PAX2: variants seen among roughly 807,000 people sequenced by gnomAD.
PAX2 encodes the protein paired box protein Pax-2.
In PAX2, 9 loss-of-function variants were observed where a neutral mutation model predicts 41.7. The observed-to-expected ratio is 0.22, with a 90% CI of 0.13 to 0.38. PAX2 has a LOEUF of 0.38. Among genes scored for constraint, PAX2 ranks in the 10% least tolerant of loss-of-function variants. The pLI, the probability that PAX2 is intolerant of heterozygous loss-of-function variation, is 1.00. For missense variants in PAX2, 418 were observed against 531.6 expected, an observed-to-expected ratio of 0.79 and a Z score of 2.10; for synonymous variants, 221 against 212.7, an observed-to-expected ratio of 1.04 and a Z score of -0.34.
chr10:100,769,829 T>C (rs1183627448), intron 3 of PAX2, among the ~76,000 whole-genome samples: 4 of 152,136 alleles, frequency 2.6e-5, no homozygotes, highest in Non-Finnish European at 5.9e-5. Context: ...AGCAGACATC[T>C]GCCTTCTCAG....
At chr10:100,798,545 C>T (rs998772241) in intron 5 of PAX2, among the ~76,000 whole-genome samples, 3 of 152,132 alleles carry the variant, frequency 2.0e-5, no homozygotes, top group Non-Finnish European at 4.4e-5. Flanking sequence ...GTCACCATAG[C>T]TCCTTTCCCA....
At chr10:100,772,554 G>A (rs1846253659) in intron 3 of PAX2, among the ~76,000 whole-genome samples, 1 of 152,218 alleles carries the variant, frequency 6.6e-6, no homozygotes, top group African/African-American at 2.4e-5. Context: ...GGCTTAGTGG[G>A]CAATGGGGCC....
intron 5 of PAX2, among the ~76,000 whole-genome samples, chr10:100,797,516 G>C (rs1847381358): frequency 6.6e-6 from 1 of 152,222 alleles, no homozygotes; most frequent in Non-Finnish European, 1.5e-5. Context: ...ATATATGTAA[G>C]ATTATCAGAG....
At chr10:100,806,914 C>G (rs1353081094) in intron 6 of PAX2, among the ~76,000 whole-genome samples, 1 of 152,140 alleles carries the variant, frequency 6.6e-6, no homozygotes, top group Non-Finnish European at 1.5e-5. Context: ...TAGGGTTTGT[C>G]AAGTCCCTTC....
intron 1 of PAX2, chr10:100,749,088 G>C: frequency 1.0e-6 from 1 of 985,426 alleles, no homozygotes; most frequent in South Asian, 4.7e-5. Flanking sequence ...AGAGAGATAC[G>C]GTCCCCCTAC....
intron 3 of PAX2, among the ~76,000 whole-genome samples, chr10:100,761,406 G>A (rs1845841072): frequency 6.6e-6 from 1 of 152,102 alleles, no homozygotes; most frequent in African/African-American, 2.4e-5. Flanking sequence ...CTGTGGATCA[G>A]GTCACTCCTG....
chr10:100,735,776 G>A, intron 1 of PAX2: 1 of 1,023,824 alleles, frequency 9.8e-7, no homozygotes, highest in African/African-American at 1.7e-5. Context: ...GCGAGGACTA[G>A]GGGAGAGGGA....
At chr10:100,768,534 G>A (rs986864713) in intron 3 of PAX2, among the ~76,000 whole-genome samples, 3 of 152,216 alleles carry the variant, frequency 2.0e-5, no homozygotes, top group African/African-American at 7.2e-5. Flanking sequence ...GAGAGGATAA[G>A]CGTGTTTAAA....
chr10:100,735,607 T>A, exon 1 of PAX2: 1 of 977,110 alleles, frequency 1.0e-6, no homozygotes, highest in East Asian at 5.1e-5. Context: ...CGCCCAGATC[T>A]CCGGGCGGCG....
chr10:100,796,723 C>T (rs1274392412), intron 5 of PAX2, among the ~76,000 whole-genome samples: 1 of 152,208 alleles, frequency 6.6e-6, no homozygotes, highest in African/African-American at 2.4e-5. Flanking sequence ...CACCCCCTTC[C>T]TGAGCTACTG....
intron 5 of PAX2, among the ~76,000 whole-genome samples, chr10:100,800,671 G>C (rs911609965): frequency 6.6e-6 from 1 of 152,160 alleles, no homozygotes; most frequent in Admixed American, 6.5e-5. Context: ...ACAGGGTTCA[G>C]GGGGTGTCTC....
intron 5 of PAX2, among the ~76,000 whole-genome samples, chr10:100,790,252 G>T (rs2133917334): frequency 6.6e-6 from 1 of 152,314 alleles, no homozygotes; most frequent in South Asian, 2.1e-4. Flanking sequence ...TTGCCCTAGA[G>T]GAGACTGTAT....
At chr10:100,749,673 G>A (rs1165910381) in intron 1 of PAX2, 73 bp from the exon 2 acceptor site, 3 of 1,556,276 alleles carry the variant, frequency 1.9e-6, no homozygotes, top group Non-Finnish European at 2.6e-6. Flanking sequence ...GCCCGTCCCG[G>A]GCCGCGGACC....
intron 1 of PAX2, among the ~76,000 whole-genome samples, chr10:100,738,917 G>A (rs1185093859): frequency 6.6e-6 from 1 of 152,032 alleles, no homozygotes; most frequent in East Asian, 1.9e-4. Context: ...TTGGAGGGCA[G>A]AGGCTGGCAG....
intron 1 of PAX2, among the ~76,000 whole-genome samples, chr10:100,736,745 G>GGAGT (rs1844787153): frequency 6.6e-6 from 1 of 152,102 alleles, no homozygotes; most frequent in South Asian, 2.1e-4. Context: ...TGAACCCCCG[G>GGAGT]GAGTGTCAAC....
intron 3 of PAX2, among the ~76,000 whole-genome samples, chr10:100,768,872 T>C (rs1846112640): frequency 6.6e-6 from 1 of 152,238 alleles, no homozygotes; most frequent in Non-Finnish European, 1.5e-5. Context: ...CTTTCTGTTG[T>C]TTCTTAGGCA....
intron 3 of PAX2, among the ~76,000 whole-genome samples, chr10:100,769,286 G>T (rs999095671): frequency 2.0e-5 from 3 of 152,176 alleles, no homozygotes; most frequent in Non-Finnish European, 2.9e-5. Flanking sequence ...ACAGTGCCTG[G>T]TACATAGTAA....
intron 1 of PAX2, chr10:100,747,115 A>C (rs752116902): frequency 5.9e-5 from 9 of 152,314 alleles, no homozygotes; most frequent in Non-Finnish European, 1.0e-4. Flanking sequence ...GGAGAGAGCC[A>C]GCAGCGCAGC....
At chr10:100,760,412 A>G (rs1845793615) in intron 3 of PAX2, among the ~76,000 whole-genome samples, 2 of 152,202 alleles carry the variant, frequency 1.3e-5, no homozygotes, top group East Asian at 3.8e-4. Flanking sequence ...TGATGGGTCA[A>G]TGAACGGGGG....
Sources: gnomAD v4.1 joint callset for allele counts (sites outside exome capture counted in the v4.1 genomes callset) on GRCh38, gnomAD v4.1.1 for gene constraint, MANE v1.5 for transcripts, NCBI Gene and HGNC (gene_info 2026-07-23, HGNC 2026-07-21) for gene names.